DLG2: variants seen among roughly 807,000 people sequenced by gnomAD.
The protein encoded by DLG2 is disks large homolog 2.
DLG2 carries 45 observed loss-of-function variants against 132.5 expected under a neutral mutation model. The ratio of observed to expected loss-of-function variants is 0.34; its 90% CI spans 0.27 to 0.44. The LOEUF (loss-of-function observed/expected upper bound fraction) is 0.44, where lower values mean the gene tolerates loss of function less well. Among genes scored for constraint, DLG2 ranks in the 20% least tolerant of loss-of-function variants. The pLI is 1.00. For missense variants in DLG2, 1,045 were observed against 1,196.9 expected, an observed-to-expected ratio of 0.87 and a Z score of 1.87; for synonymous variants, 424 against 419.6, an observed-to-expected ratio of 1.01 and a Z score of -0.13.
intron 18 of DLG2, chr11:83,651,669 A>G (rs762002024): frequency 6.6e-6 from 2 of 302,846 alleles, no homozygotes; most frequent in East Asian, 1.5e-4. Context: ...AAACATCCAG[A>G]GCATTCAATT....
intron 6 of DLG2, among the ~76,000 whole-genome samples, chr11:84,867,076 A>C (rs2084681565): frequency 6.6e-6 from 1 of 152,224 alleles, no homozygotes; most frequent in African/African-American, 2.4e-5. Flanking sequence ...CTAAATAAAC[A>C]TTGAGTATAT....
At chr11:83,989,124 T>C in intron 11 of DLG2, among the ~76,000 whole-genome samples, 1 of 152,128 alleles carries the variant, frequency 6.6e-6, no homozygotes, top group South Asian at 2.1e-4. Context: ...ATGAAATTAG[T>C]GGCTTTGAAT....
chr11:85,254,085 G>C (rs537632093), intron 4 of DLG2, among the ~76,000 whole-genome samples: 90 of 152,278 alleles, frequency 5.9e-4, no homozygotes, highest in African/African-American at 2.1e-3. Context: ...CTCACTTTGG[G>C]CCACAGTGCC....
rs868245925 is a variant in DLG2 at position 84,447,841 on chromosome 11, C to G, written c.519+86729G>C. Among the ~76,000 whole-genome samples the G allele has an allele frequency of 7.2e-5, 11 of 152,074 alleles. No individual in the cohort carries two copies. In the South Asian group the frequency reaches 1.0e-3, roughly 14 times the overall value. ...TGTTCAAAATTAAATTTTCTTACAG[C>G]AGAAAAATAGACTGATAATGGCAGT... On this transcript the variant is annotated intron_variant, in intron 7 of 27. Transcript: ENST00000376104.
At chr11:84,232,482 C>A (rs2097106383) in intron 8 of DLG2, among the ~76,000 whole-genome samples, 1 of 152,130 alleles carries the variant, frequency 6.6e-6, no homozygotes, top group Non-Finnish European at 1.5e-5. Context: ...AAATTTTACC[C>A]CCCTAAAATT....
chr11:84,478,427 C>A (rs1602909317), intron 7 of DLG2, among the ~76,000 whole-genome samples: 2 of 152,216 alleles, frequency 1.3e-5, no homozygotes, highest in East Asian at 3.9e-4. Flanking sequence ...ATGTATCCAT[C>A]AATTTCATCG....
At chr11:84,148,295 T>C (rs1441052821) in intron 9 of DLG2, among the ~76,000 whole-genome samples, 1 of 152,154 alleles carries the variant, frequency 6.6e-6, no homozygotes, top group Non-Finnish European at 1.5e-5. Flanking sequence ...CGCTGAGGTT[T>C]GGAGTACAAT....
chr11:83,504,961 G>A (rs2094617336), intron 21 of DLG2, among the ~76,000 whole-genome samples: 1 of 131,342 alleles, frequency 7.6e-6, no homozygotes, highest in Non-Finnish European at 1.7e-5. Context: ...TAAGACCAGT[G>A]AATTCCATGA....
chr11:84,541,321 T>C (rs1217850613), intron 6 of DLG2, among the ~76,000 whole-genome samples: 3 of 152,050 alleles, frequency 2.0e-5, no homozygotes, highest in Admixed American at 6.6e-5. Context: ...TATGTCTCCC[T>C]ATCTTAGTTC....
At chr11:84,592,067 T>C (rs1365363521) in intron 6 of DLG2, among the ~76,000 whole-genome samples, 1 of 152,174 alleles carries the variant, frequency 6.6e-6, no homozygotes, top group African/African-American at 2.4e-5. Context: ...TTGCCCAGGC[T>C]GGTCTTGAAC....
intron 3 of DLG2, among the ~76,000 whole-genome samples, chr11:85,324,927 A>T (rs1397172252): frequency 6.8e-6 from 1 of 148,030 alleles, no homozygotes; most frequent in Non-Finnish European, 1.5e-5. Context: ...ACCGTGCGCG[A>T]GCCGAAGCAG....
At chr11:84,907,416 G>C (rs2091634842) in intron 6 of DLG2, among the ~76,000 whole-genome samples, 1 of 152,164 alleles carries the variant, frequency 6.6e-6, no homozygotes, top group Admixed American at 6.5e-5. Context: ...ATCAAAGGGA[G>C]TCTGTGAGAG....
chr11:84,166,678 A>G, intron 8 of DLG2: 1 of 271,208 alleles, frequency 3.7e-6, no homozygotes, highest in Non-Finnish European at 7.4e-6. Context: ...GTGGTTGCTT[A>G]CTGAGTGATG....
intron 6 of DLG2, among the ~76,000 whole-genome samples, chr11:85,052,589 G>T (rs2063012267): frequency 6.6e-6 from 1 of 152,158 alleles, no homozygotes; most frequent in East Asian, 1.9e-4. Flanking sequence ...CTTCACTGTT[G>T]TTAAAAGGAT....
intron 3 of DLG2, among the ~76,000 whole-genome samples, chr11:85,307,615 C>T (rs758784794): frequency 8.5e-5 from 13 of 152,268 alleles, no homozygotes; most frequent in Non-Finnish European, 1.6e-4. Flanking sequence ...TGTTGAATCA[C>T]CCCATAGTAT....
chr11:84,596,455 T>A (rs549203028), intron 6 of DLG2, among the ~76,000 whole-genome samples: 2 of 149,530 alleles, frequency 1.3e-5, no homozygotes, highest in South Asian at 4.3e-4. Context: ...ACTTCTGACC[T>A]CAGGTGATCT....
At chr11:84,906,137 T>A (rs116431853) in intron 6 of DLG2, among the ~76,000 whole-genome samples, 300 of 152,072 alleles carry the variant, frequency 2.0e-3, no homozygotes, top group African/African-American at 6.8e-3. Context: ...AGGAATACAC[T>A]CTATAATTTT....
intron 8 of DLG2, among the ~76,000 whole-genome samples, chr11:84,203,072 A>T (rs1002280638): frequency 2.0e-5 from 3 of 152,198 alleles, no homozygotes; most frequent in Admixed American, 1.3e-4. Context: ...TCAAAGACCT[A>T]GAGGCAAAAA....
intron 6 of DLG2, chr11:84,545,197 G>T (rs537232543): frequency 8.8e-6 from 4 of 455,036 alleles, no homozygotes; most frequent in East Asian, 1.1e-4. Flanking sequence ...TTGGTTTCAT[G>T]GTTTGGCAAA....
Sources: allele counts gnomAD v4.1 joint callset (sites outside exome capture counted in the v4.1 genomes callset), GRCh38; gene constraint gnomAD v4.1.1; transcripts MANE v1.5; gene names NCBI Gene and HGNC (gene_info 2026-07-23, HGNC 2026-07-21).